Variants in EML1 observed in about 807,000 individuals in gnomAD.
The protein encoded by EML1 is echinoderm microtubule-associated protein-like 1.
EML1 carries 27 observed loss-of-function variants against 110.4 expected under a neutral mutation model. The observed-to-expected ratio is 0.24, with a 90% CI of 0.18 to 0.34. EML1 has a LOEUF of 0.34. Among genes scored for constraint, EML1 ranks in the 10% least tolerant of loss-of-function variants. The pLI, the probability that EML1 is intolerant of heterozygous loss-of-function variation, is 1.00. For synonymous variants in EML1, 344 were observed against 385.8 expected (o/e 0.89, Z 1.27); for missense variants, 741 against 1,030.9 (o/e 0.72, Z 3.85).
intron 1 of EML1, among the ~76,000 whole-genome samples, chr14:99,744,382 T>C (rs572233640): frequency 1.3e-5 from 2 of 152,196 alleles, no homozygotes; most frequent in South Asian, 4.2e-4. Context: ...ACCAGTTAAA[T>C]GCACCCACCG....
rs1299922979 is a variant in EML1, at chr14:99,825,629, C to G, written c.68-25224C>G. On this transcript the variant is annotated intron_variant, in intron 1 of 21. Transcript: ENST00000262233. Reference sequence around the variant, plus strand: ...TGGAAATTTATGTTTCTGTGTTTTTCCTGTCAGCCTCTGAACTCCTGAAGG... The same window carrying G: ...TGGAAATTTATGTTTCTGTGTTTTTGCTGTCAGCCTCTGAACTCCTGAAGG... Among the ~76,000 whole-genome samples, 3 of 152,256 alleles carry G rather than the reference C, an allele frequency of 2.0e-5. No homozygotes were observed. In the East Asian group the frequency reaches 5.8e-4, roughly 29 times the overall value.
At chr14:99,866,484 C>A (rs980945972) in intron 3 of EML1, among the ~76,000 whole-genome samples, 1 of 147,788 alleles carries the variant, frequency 6.8e-6, no homozygotes, top group East Asian at 2.0e-4. Flanking sequence ...GCAGGAGAAT[C>A]GCTTGAACCT....
intron 1 of EML1, among the ~76,000 whole-genome samples, chr14:99,836,993 T>A (rs553509322): frequency 0.016 from 2,415 of 146,468 alleles, 28 homozygotes; most frequent in Non-Finnish European, 0.025. Context: ...TTGTTCTAAT[T>A]TTTTTTTTTT....
At chr14:99,889,614 G>A (rs889822882) in intron 4 of EML1, among the ~76,000 whole-genome samples, 2 of 152,208 alleles carry the variant, frequency 1.3e-5, no homozygotes, top group Non-Finnish European at 2.9e-5. Flanking sequence ...CTACAGCAGT[G>A]GCCTGAGAGT....
At chr14:99,759,288 AC>A (rs1213682056) in intron 1 of EML1, among the ~76,000 whole-genome samples, 2 of 152,206 alleles carry the variant, frequency 1.3e-5, no homozygotes, top group East Asian at 3.9e-4. Flanking sequence ...GGCTGGGCAC[AC>A]AGTAGGCATG....
chr14:99,812,394 C>T (rs1182636270), intron 1 of EML1, among the ~76,000 whole-genome samples: 1 of 151,828 alleles, frequency 6.6e-6, no homozygotes, highest in African/African-American at 2.4e-5. Context: ...ATTTTCTAAC[C>T]TAACTCTAAA....
chr14:99,793,364 C>G, upstream of EML1: 1 of 990,180 alleles, frequency 1.0e-6, no homozygotes, highest in Non-Finnish European at 1.2e-6. Context: ...GCAGCCGCCA[C>G]AGCAGGGCCG....
intron 15 of EML1, 64 bp downstream of exon 15, chr14:99,914,761 T>A: frequency 1.3e-6 from 2 of 1,530,188 alleles, no homozygotes; most frequent in South Asian, 2.5e-5. Context: ...GTTTATTTAT[T>A]TTTTGCATGA....
At chr14:99,877,293 C>T (rs773494686) in intron 3 of EML1, among the ~76,000 whole-genome samples, 1 of 152,102 alleles carries the variant, frequency 6.6e-6, no homozygotes, top group Non-Finnish European at 1.5e-5. Context: ...AAAGGCCCCA[C>T]CCCCTAACAC....
intron 1 of EML1, among the ~76,000 whole-genome samples, chr14:99,743,994 TCA>T (rs2057074891): frequency 6.6e-6 from 1 of 152,208 alleles, no homozygotes; most frequent in African/African-American, 2.4e-5. Flanking sequence ...TTCTTGAAAT[TCA>T]CAGTCAAAAT....
rs910788475 is a variant in EML1 at position 99,797,708 on chromosome 14, A to G, written c.67+4165A>G. On this transcript the variant is annotated intron_variant, in intron 1 of 21. Coordinates refer to ENST00000262233, the MANE Select transcript of EML1 (RefSeq NM_004434.3). ...ACAGCTCACCAAAACGAGTCAGTGC[A>G]CAACTGCACGTGGTTGCCACAGGTT... Among the ~76,000 whole-genome samples, 4 of 152,218 alleles carry G rather than the reference A, an allele frequency of 2.6e-5. No homozygotes were observed. The South Asian group carries it at 6.2e-4, about 24-fold the overall frequency.
At chr14:99,909,586 C>A in intron 11 of EML1, 107 bp downstream of exon 11, 1 of 1,427,418 alleles carries the variant, frequency 7.0e-7, no homozygotes, top group Non-Finnish European at 9.7e-7. Context: ...TGGGATCCCT[C>A]ACATAGTTGG....
chr14:99,774,275 T>A (rs566331605), intron 1 of EML1, among the ~76,000 whole-genome samples: 1 of 152,216 alleles, frequency 6.6e-6, no homozygotes, highest in South Asian at 2.1e-4. Flanking sequence ...ATGACTCTGG[T>A]CACAGTGACA....
chr14:99,874,115 A>G (rs917485227), intron 3 of EML1, among the ~76,000 whole-genome samples: 2 of 152,248 alleles, frequency 1.3e-5, no homozygotes, highest in Non-Finnish European at 2.9e-5. Flanking sequence ...ACCTAATTGT[A>G]GCTTCTTATG....
intron 1 of EML1, among the ~76,000 whole-genome samples, chr14:99,849,931 G>T (rs1380900914): frequency 6.7e-6 from 1 of 149,564 alleles, no homozygotes; most frequent in African/African-American, 2.5e-5. Flanking sequence ...CTGCGCTCCA[G>T]CCTGGGCGAC....
rs777921297 is a variant in EML1 at position 99,914,540 on chromosome 14, CT to C, written c.1621-24del. 8 of 1,578,482 alleles carry C rather than the reference CT, an allele frequency of 5.1e-6. No homozygotes were observed. In the East Asian group the frequency reaches 1.8e-4, roughly 35 times the overall value. On this transcript the variant is annotated intron_variant, in intron 14 of 21. Coordinates refer to ENST00000262233, the MANE Select transcript of EML1 (RefSeq NM_004434.3). Reference sequence around the variant, plus strand: ...GTGCGAACTGTAGTATCTCAGAGCGCTTCTGTTTGTCTTGGTTATTTGTAGG... The same window carrying C: ...GTGCGAACTGTAGTATCTCAGAGCGCTCTGTTTGTCTTGGTTATTTGTAGG...
chr14:99,939,167 C>A lies in EML1; in HGVS notation c.2192-30C>A. The A allele has an allele frequency of 6.2e-7, 1 of 1,612,120 alleles. No homozygotes were observed. Among genetic ancestry groups the A allele is most frequent in the Middle Eastern group, 1.7e-4 (1 of 5,978 alleles). On this transcript the variant is annotated intron_variant, in intron 20 of 21. Coordinates refer to ENST00000262233, the MANE Select transcript of EML1 (RefSeq NM_004434.3). This position sits in a 1 kb window ranked among gnomAD's most constrained non-coding sequence, Gnocchi z 4.2. ...TGTGGCCCTGTGGCCCCTGGTGTTTCCAGCGCCCTGTTTGTGGTCTTTGTT... is the reference window on the plus strand; with the variant it reads ...TGTGGCCCTGTGGCCCCTGGTGTTTACAGCGCCCTGTTTGTGGTCTTTGTT...
chr14:99,813,333 A>G (rs753096354), intron 1 of EML1, among the ~76,000 whole-genome samples: 2 of 152,186 alleles, frequency 1.3e-5, no homozygotes, highest in Non-Finnish European at 2.9e-5. Context: ...ATACCCTAAC[A>G]TGTACAATTA....
chr14:99,748,215 C>A (rs1215637047), intron 1 of EML1, among the ~76,000 whole-genome samples: 1 of 152,000 alleles, frequency 6.6e-6, no homozygotes, highest in African/African-American at 2.4e-5. Context: ...TGCCCGCAGC[C>A]CCAGGACAGC....
Sources: gnomAD v4.1 joint callset for allele counts (sites outside exome capture counted in the v4.1 genomes callset) on GRCh38, gnomAD v4.1.1 for gene constraint, Gnocchi (gnomAD v3.1) non-coding constraint, MANE v1.5 for transcripts, NCBI Gene and HGNC (gene_info 2026-07-23, HGNC 2026-07-21) for gene names.